The following CAST variants were observed in gnomAD, a reference collection of about 807,000 sequenced individuals.
CAST encodes calpastatin.
Under a neutral mutation model 119.6 loss-of-function variants are expected in CAST, and 76 were observed. The ratio of observed to expected loss-of-function variants is 0.64; its 90% CI spans 0.53 to 0.77. CAST has a LOEUF of 0.77. Ranked by LOEUF, CAST falls within the 30% of genes least tolerant of loss-of-function variation. The pLI is 0.00. For missense variants in CAST, 953 were observed against 946.5 expected, an observed-to-expected ratio of 1.01 and a Z score of -0.09; for synonymous variants, 319 against 331.6, an observed-to-expected ratio of 0.96 and a Z score of 0.41.
intron 1 of CAST, among the ~76,000 whole-genome samples, chr5:96,640,682 A>G (rs1401183061): frequency 6.6e-6 from 1 of 152,142 alleles, no homozygotes; most frequent in Non-Finnish European, 1.5e-5. Context: ...CCCTGCGGGG[A>G]GTTATGGAGA....
At chr5:96,144,359 G>T in the CAST span, among the ~76,000 whole-genome samples, 3 of 152,260 alleles carry the variant, frequency 2.0e-5, no homozygotes, top group African/African-American at 7.2e-5. Flanking sequence ...CGGAGTTTGA[G>T]ACCTGCCCTT....
chr5:96,034,505 ACATATG>A, the CAST span, among the ~76,000 whole-genome samples: 7 of 121,172 alleles, frequency 5.8e-5, no homozygotes, highest in Admixed American at 4.4e-4. Context: ...ACACACACAC[ACATATG>A]TGTGTGTGTA....
In CAST at chr5:96,662,457, C is replaced by T. The variant is rs904650806; in HGVS notation, c.35C>T (p.Pro12Leu). Residue 12 changes from proline (P) to leucine (L), a missense_variant, in exon 1 of 32, where the codon CCG becomes CTG. Pro to Leu is a moderately conservative substitution (Grantham distance 98, BLOSUM62 -3). Coordinates refer to ENST00000675179, the MANE Select transcript of CAST (RefSeq NM_001750.7). ...CCCGGCCAGAAGCCCGCCGCCTCCCCGCGGCCCCGGCGAGCAGCCGCCGCC... is the reference window on the plus strand; with the variant it reads ...CCCGGCCAGAAGCCCGCCGCCTCCCTGCGGCCCCGGCGAGCAGCCGCCGCC... ...SQPGQKPAASPRPRRAAAARR... is the reference protein window; with the variant it reads ...SQPGQKPAASLRPRRAAAARR... 8 of 1,437,676 alleles carry T rather than the reference C, an allele frequency of 5.6e-6. No individual in the cohort carries two copies. Among genetic ancestry groups the T allele is most frequent in the Non-Finnish European group, 6.4e-6 (7 of 1,100,288 alleles). The allele number at this position is 1,437,676 out of a possible 1,614,324, so 89.1% of individuals were successfully genotyped here.
At chr5:96,078,896 G>A in the CAST span, among the ~76,000 whole-genome samples, 1 of 152,038 alleles carries the variant, frequency 6.6e-6, no homozygotes. Context: ...GAGAACATAG[G>A]GACACATAGA....
chr5:96,327,717 G>T, the CAST span, among the ~76,000 whole-genome samples: 1 of 152,162 alleles, frequency 6.6e-6, no homozygotes, highest in East Asian at 1.9e-4. Context: ...TGCTTCTAAG[G>T]TAGAGAAGAC....
At chr5:96,346,265 T>C in the CAST span, among the ~76,000 whole-genome samples, 1 of 152,192 alleles carries the variant, frequency 6.6e-6, no homozygotes, top group Admixed American at 6.6e-5. Context: ...TCACTTATAA[T>C]GATATTCTGC....
chr5:96,680,435 C>T (rs187404913), intron 2 of CAST, among the ~76,000 whole-genome samples: 7 of 150,626 alleles, frequency 4.6e-5, no homozygotes, highest in Admixed American at 4.6e-4. Context: ...ATTCTAGCAC[C>T]TAGAGAAATG....
chr5:96,020,315 A>G, the CAST span, among the ~76,000 whole-genome samples: 1 of 152,248 alleles, frequency 6.6e-6, no homozygotes, highest in Non-Finnish European at 1.5e-5. Flanking sequence ...ACAAATGCTG[A>G]TAAAAAATAA....
chr5:96,108,825 T>C, the CAST span, among the ~76,000 whole-genome samples: 1 of 152,220 alleles, frequency 6.6e-6, no homozygotes, highest in African/African-American at 2.4e-5. Flanking sequence ...CCCCCAGCCT[T>C]GCTGCCACCT....
At chr5:96,541,775 G>C (rs1172351003) in intron 1 of CAST, among the ~76,000 whole-genome samples, 1 of 152,010 alleles carries the variant, frequency 6.6e-6, no homozygotes, top group South Asian at 2.1e-4. Context: ...AAGCTTTCTC[G>C]GCATTGTTTT....
chr5:96,043,294 C>T, the CAST span, among the ~76,000 whole-genome samples: 2 of 152,054 alleles, frequency 1.3e-5, no homozygotes. Context: ...TCGATGGTCT[C>T]AGTGTCATAA....
the CAST span, among the ~76,000 whole-genome samples, chr5:96,064,420 T>C: frequency 6.6e-6 from 1 of 152,140 alleles, no homozygotes; most frequent in Non-Finnish European, 1.5e-5. Flanking sequence ...CTGTTACAAA[T>C]AAAGTTGGCA....
the CAST span, among the ~76,000 whole-genome samples, chr5:96,517,429 A>G: frequency 1.3e-5 from 2 of 152,242 alleles, no homozygotes; most frequent in African/African-American, 2.4e-5. Context: ...TTGAGAGGTT[A>G]TAAGTGTTTG....
chr5:96,654,072 G>A (rs1242758880), intron 1 of CAST, among the ~76,000 whole-genome samples: 8 of 145,170 alleles, frequency 5.5e-5, no homozygotes, highest in Non-Finnish European at 1.2e-4. Context: ...TTGCCCAGCT[G>A]GAGTGCAGTG....
At position 96,741,535 on chromosome 5, in the gene CAST, C is replaced by T; in HGVS notation, c.1053C>T (p.Val351=). Residue 351 remains valine (V), a synonymous_variant, in exon 15 of 32, where the codon GTC becomes GTT. Coordinates refer to ENST00000675179, the MANE Select transcript of CAST (RefSeq NM_001750.7). ...TAAAAGCTCAGTCAGCAGGGACAGT[C>T]AGAAGTGCTGCTCCACCCCAAGAGA... is the stretch of plus-strand genomic sequence containing the variant. ...EVLKAQSAGT[V]RSAAPPQEKK... 6.2e-7 allele frequency: 1 copy of T among 1,613,708 alleles called. No homozygotes were observed. Among genetic ancestry groups the T allele is most frequent in the Non-Finnish European group, 8.5e-7 (1 of 1,179,668 alleles).
the CAST span, among the ~76,000 whole-genome samples, chr5:96,163,785 C>T: frequency 6.6e-6 from 1 of 152,108 alleles, no homozygotes; most frequent in Non-Finnish European, 1.5e-5. Context: ...TCCTAGTCCC[C>T]ATTTTCTCTG....
chr5:96,771,837 C>T, intron 31 of CAST, 135 bp downstream of exon 31: 1 of 536,434 alleles, frequency 1.9e-6, no homozygotes, highest in Admixed American at 3.4e-5. Context: ...ATGCATACTG[C>T]AAGATCTACA....
chr5:96,089,837 C>A, the CAST span, among the ~76,000 whole-genome samples: 1 of 152,174 alleles, frequency 6.6e-6, no homozygotes, highest in Non-Finnish European at 1.5e-5. Flanking sequence ...AAATAGGTAA[C>A]TAAATAAATG....
the CAST span, among the ~76,000 whole-genome samples, chr5:95,985,960 T>C: frequency 3.3e-5 from 5 of 152,318 alleles, no homozygotes; most frequent in African/African-American, 1.2e-4. Context: ...TTGGGTTTTT[T>C]ACTTTTTACA....
Sources: gnomAD v4.1 joint callset for allele counts (sites outside exome capture counted in the v4.1 genomes callset) on GRCh38, gnomAD v4.1.1 for gene constraint, MANE v1.5 for transcripts, NCBI Gene and HGNC (gene_info 2026-07-23, HGNC 2026-07-21) for gene names.